B3GALT1: variants seen among roughly 807,000 people sequenced by gnomAD.
The protein encoded by B3GALT1 is beta-1,3-galactosyltransferase 1.
B3GALT1 carries 10 observed loss-of-function variants against 23.2 expected under a neutral mutation model. That is an observed-to-expected ratio of 0.43 (90% CI 0.27 to 0.73). B3GALT1 has a LOEUF of 0.73. B3GALT1 is among the 30% of genes least tolerant of loss of function. The probability of loss-of-function intolerance (pLI) is 0.21; values close to 1 mark genes in which losing one functional copy is unlikely to be tolerated. For missense variants in B3GALT1, 299 were observed against 405.4 expected (o/e 0.74, Z 2.25); for synonymous variants, 156 against 141.5 (o/e 1.10, Z -0.73).
chr2:167,385,810 C>A (rs533921418), intron 1 of B3GALT1, among the ~76,000 whole-genome samples: 1 of 152,122 alleles, frequency 6.6e-6, no homozygotes, highest in East Asian at 1.9e-4. Context: ...TGACTACCAT[C>A]GAATTCCACT....
At chr2:167,738,046 CT>C (rs752533776) in intron 3 of B3GALT1, among the ~76,000 whole-genome samples, 1 of 152,228 alleles carries the variant, frequency 6.6e-6, no homozygotes, top group Non-Finnish European at 1.5e-5. Flanking sequence ...ATTTATGTTT[CT>C]TTTGCTCTTC....
intron 3 of B3GALT1, among the ~76,000 whole-genome samples, chr2:167,779,930 A>G (rs570818904): frequency 6.6e-6 from 1 of 152,332 alleles, no homozygotes; most frequent in East Asian, 1.9e-4. Flanking sequence ...GATATAACAT[A>G]TCCTAAAAAC....
chr2:167,597,327 A>G (rs1394301932), intron 2 of B3GALT1, among the ~76,000 whole-genome samples: 1 of 151,898 alleles, frequency 6.6e-6, no homozygotes, highest in Non-Finnish European at 1.5e-5. Context: ...GTGTTAAACA[A>G]GATAGTCTCG....
rs555267795 is a variant in B3GALT1, at chr2:167,421,377, C to T, written c.-510-68800C>T. 9.2e-5 allele frequency among the ~76,000 whole-genome samples: 14 copies of T among 152,148 alleles called. No homozygotes were observed. In the South Asian group the frequency reaches 2.9e-3, roughly 32 times the overall value. ...CCTAGGGTTAAATGGTTTCTGTATA[C>T]CTGAAGAAGACAGGAAACACAAAAC... On this transcript the variant is annotated intron_variant, in intron 1 of 4. Transcript: ENST00000392690.
intron 3 of B3GALT1, among the ~76,000 whole-genome samples, chr2:167,659,329 C>T (rs1220412822): frequency 2.6e-5 from 4 of 151,786 alleles, no homozygotes; most frequent in African/African-American, 9.7e-5. Flanking sequence ...CCTTTGGCTC[C>T]ACATTGCAGT....
At chr2:167,593,911 A>T (rs550666737) in intron 2 of B3GALT1, among the ~76,000 whole-genome samples, 1 of 152,342 alleles carries the variant, frequency 6.6e-6, no homozygotes, top group South Asian at 2.1e-4. Context: ...CCAGGAGGAG[A>T]TAGGCCAAAA....
chr2:167,851,948 A>C (rs1559003174), intron 4 of B3GALT1, among the ~76,000 whole-genome samples: 1 of 152,196 alleles, frequency 6.6e-6, no homozygotes, highest in Non-Finnish European at 1.5e-5. Context: ...CCTATTACCC[A>C]AAAATGCAAT....
chr2:167,842,970 G>C (rs1253810033), intron 4 of B3GALT1, among the ~76,000 whole-genome samples: 1 of 152,114 alleles, frequency 6.6e-6, no homozygotes, highest in Non-Finnish European at 1.5e-5. Flanking sequence ...CCTGAAATAG[G>C]CACACTTTTC....
intron 2 of B3GALT1, among the ~76,000 whole-genome samples, chr2:167,536,432 T>G (rs1683427074): frequency 6.6e-6 from 1 of 152,210 alleles, no homozygotes; most frequent in South Asian, 2.1e-4. Context: ...AGACAATTTC[T>G]TTTTATAATG....
intron 3 of B3GALT1, among the ~76,000 whole-genome samples, chr2:167,771,675 A>G (rs1405157681): frequency 6.6e-6 from 1 of 152,216 alleles, no homozygotes; most frequent in Non-Finnish European, 1.5e-5. Context: ...TGGCCTTTGA[A>G]TGTATTGTTT....
chr2:167,390,165 T>C (rs1299428650), intron 1 of B3GALT1, among the ~76,000 whole-genome samples: 1 of 152,120 alleles, frequency 6.6e-6, no homozygotes, highest in Non-Finnish European at 1.5e-5. Flanking sequence ...GGGATTTATC[T>C]GAGAGGCTGA....
chr2:167,824,281 T>A (rs1689167706), intron 4 of B3GALT1, among the ~76,000 whole-genome samples: 1 of 152,190 alleles, frequency 6.6e-6, no homozygotes. Context: ...TGGCACAGAA[T>A]GATAGGATCA....
At chr2:167,390,738 T>C (rs1198126670) in intron 1 of B3GALT1, among the ~76,000 whole-genome samples, 26 of 152,212 alleles carry the variant, frequency 1.7e-4, no homozygotes, top group Non-Finnish European at 1.5e-5. Context: ...ATGTTACTAA[T>C]GTCTCTTGAG....
At chr2:167,689,944 C>A (rs2105500300) in intron 3 of B3GALT1, among the ~76,000 whole-genome samples, 1 of 152,110 alleles carries the variant, frequency 6.6e-6, no homozygotes, top group Non-Finnish European at 1.5e-5. Context: ...TCTGGTAGAG[C>A]AGAAATGGGA....
intron 4 of B3GALT1, among the ~76,000 whole-genome samples, chr2:167,839,157 A>G (rs1171545951): frequency 5.9e-5 from 9 of 152,292 alleles, no homozygotes; most frequent in South Asian, 2.1e-4. Context: ...TATTCAACAT[A>G]GTGTTGGAAG....
intron 3 of B3GALT1, among the ~76,000 whole-genome samples, chr2:167,766,588 A>G (rs1349705532): frequency 2.6e-5 from 4 of 152,200 alleles, no homozygotes; most frequent in Non-Finnish European, 5.9e-5. Context: ...GAAAAAAGGA[A>G]TGCTCTTTAT....
chr2:167,670,166 T>C (rs1324912356), intron 3 of B3GALT1, among the ~76,000 whole-genome samples: 1 of 152,168 alleles, frequency 6.6e-6, no homozygotes, highest in Non-Finnish European at 1.5e-5. Flanking sequence ...CATGAGTTCA[T>C]ACAGACAGGC....
chr2:167,322,440 C>T (rs1328804398), intron 1 of B3GALT1, among the ~76,000 whole-genome samples: 1 of 151,814 alleles, frequency 6.6e-6, no homozygotes, highest in Non-Finnish European at 1.5e-5. Flanking sequence ...CTGGATTCAA[C>T]ATTAAATTTA....
rs77098742 is a variant in B3GALT1 at position 167,327,458 on chromosome 2, C to T, written c.-511+34124C>T. 2.3e-3 allele frequency among the ~76,000 whole-genome samples: 343 copies of T among 152,078 alleles called. 1 individual carries two copies. The highest frequency in any genetic ancestry group is 3.8e-3 in the Non-Finnish European group (257 of 67,918). On this transcript the variant is annotated intron_variant, in intron 1 of 4. Transcript: ENST00000392690. Reference sequence around the variant, plus strand: ...GTTTTATAGTTTTCCTTAGAGAGATCTTTATTCCTCGGTGTTTTTAAAACT... The same window carrying T: ...GTTTTATAGTTTTCCTTAGAGAGATTTTTATTCCTCGGTGTTTTTAAAACT...
Sources: allele counts gnomAD v4.1 joint callset (sites outside exome capture counted in the v4.1 genomes callset), GRCh38; gene constraint gnomAD v4.1.1; transcripts MANE v1.5; gene names NCBI Gene and HGNC (gene_info 2026-07-23, HGNC 2026-07-21).